The following UGGT2 variants were observed in gnomAD, a reference collection of about 807,000 sequenced individuals.
UGGT2 encodes the protein UDP-glucose:glycoprotein glucosyltransferase 2.
A neutral mutation model predicts 192.1 loss-of-function variants in UGGT2; 180 were observed. The ratio of observed to expected loss-of-function variants is 0.94; its 90% CI spans 0.83 to 1.06. The LOEUF is 1.06. Ranked by LOEUF, UGGT2 falls within the 50% of genes least tolerant of loss-of-function variation. The pLI is 0.00. For missense variants in UGGT2, 1,849 were observed against 1,795.7 expected (o/e 1.03, Z -0.54); for synonymous variants, 580 against 591.0 (o/e 0.98, Z 0.27).
intron 1 of UGGT2, among the ~76,000 whole-genome samples, chr13:96,044,372 A>G (rs1021638530): frequency 6.6e-6 from 1 of 152,210 alleles, no homozygotes; most frequent in African/African-American, 2.4e-5. Context: ...TGCTAAGAGG[A>G]AAGTTCATAG....
intron 20 of UGGT2, among the ~76,000 whole-genome samples, chr13:95,914,339 A>C (rs2048607381): frequency 6.6e-6 from 1 of 152,158 alleles, no homozygotes; most frequent in Admixed American, 6.6e-5. Context: ...ACTGGCATCC[A>C]CTTAAATTTA....
At chr13:95,913,456 G>A (rs1020986708) in intron 20 of UGGT2, among the ~76,000 whole-genome samples, 2 of 152,118 alleles carry the variant, frequency 1.3e-5, no homozygotes, top group Admixed American at 6.5e-5. Flanking sequence ...CTCAAAAGAA[G>A]ACATCTACAC....
intron 10 of UGGT2, among the ~76,000 whole-genome samples, chr13:95,978,644 G>T (rs181184014): frequency 3.5e-3 from 536 of 152,244 alleles, no homozygotes; most frequent in Non-Finnish European, 5.1e-3. Flanking sequence ...TCTTCTAGCA[G>T]TTTCACAGTT....
At chr13:95,912,521 A>G (rs891749701) in intron 20 of UGGT2, among the ~76,000 whole-genome samples, 1 of 152,214 alleles carries the variant, frequency 6.6e-6, no homozygotes, top group Non-Finnish European at 1.5e-5. Flanking sequence ...CTAGTAATCC[A>G]ACTTACAAGG....
chr13:95,864,359 A>G (rs1890442948), intron 30 of UGGT2, among the ~76,000 whole-genome samples: 1 of 152,154 alleles, frequency 6.6e-6, no homozygotes, highest in Non-Finnish European at 1.5e-5. Flanking sequence ...GGTGATTCTA[A>G]AACTTGAAAA....
chr13:95,904,408 A>G (rs1467177000), intron 20 of UGGT2, among the ~76,000 whole-genome samples: 1 of 150,218 alleles, frequency 6.7e-6, no homozygotes, highest in Non-Finnish European at 1.5e-5. Flanking sequence ...CTCGTCATCT[A>G]GCATTAGGTA....
At chr13:96,007,484 T>C (rs1173023188) in intron 5 of UGGT2, among the ~76,000 whole-genome samples, 1 of 152,006 alleles carries the variant, frequency 6.6e-6, no homozygotes, top group Non-Finnish European at 1.5e-5. Flanking sequence ...ATAAAGGACA[T>C]CCAAATTGGA....
At chr13:95,847,618 C>T (rs1888603507) in intron 36 of UGGT2, among the ~76,000 whole-genome samples, 2 of 152,166 alleles carry the variant, frequency 1.3e-5, no homozygotes, top group African/African-American at 4.8e-5. Flanking sequence ...TCTTCCTTGT[C>T]TTTTCATGGC....
intron 12 of UGGT2, among the ~76,000 whole-genome samples, chr13:95,962,056 A>C (rs1490290448): frequency 6.6e-6 from 1 of 152,188 alleles, no homozygotes; most frequent in Non-Finnish European, 1.5e-5. Flanking sequence ...TAAACACAAC[A>C]TACTAAAACC....
At chr13:95,864,725 A>G (rs761919902) in intron 30 of UGGT2, among the ~76,000 whole-genome samples, 28 of 152,198 alleles carry the variant, frequency 1.8e-4, no homozygotes, top group Non-Finnish European at 3.1e-4. Flanking sequence ...CATTTTTCTT[A>G]AAGTTCAACA....
chr13:95,990,463 A>G (rs2051422360), intron 7 of UGGT2: 1 of 152,390 alleles, frequency 6.6e-6, no homozygotes, highest in South Asian at 2.1e-4. Context: ...GCCTCATACA[A>G]TCAGAGTTTA....
At chr13:95,828,081 TTC>T (rs1424897938) in intron 38 of UGGT2, among the ~76,000 whole-genome samples, 1 of 152,162 alleles carries the variant, frequency 6.6e-6, no homozygotes, top group African/African-American at 2.4e-5. Flanking sequence ...TGAGTTTTCA[TTC>T]TGTTTCCTCA....
At chr13:95,959,628 G>A (rs1252969327) in intron 12 of UGGT2, among the ~76,000 whole-genome samples, 1 of 152,148 alleles carries the variant, frequency 6.6e-6, no homozygotes, top group East Asian at 1.9e-4. Context: ...CTCAGGGCCT[G>A]GGCAATGGCT....
intron 6 of UGGT2, among the ~76,000 whole-genome samples, chr13:95,998,091 G>C (rs559381160): frequency 6.6e-6 from 1 of 152,294 alleles, no homozygotes; most frequent in African/African-American, 2.4e-5. Context: ...AGATCAGAGA[G>C]ATGGCTAGTT....
chr13:95,916,174 CT>C (rs1353192325), intron 20 of UGGT2, among the ~76,000 whole-genome samples: 6 of 152,168 alleles, frequency 3.9e-5, no homozygotes, highest in Admixed American at 2.0e-4. Context: ...CTGTACCCCC[CT>C]AGGACAGAGC....
chr13:96,004,085 G>A (rs1225595167), intron 5 of UGGT2, among the ~76,000 whole-genome samples: 2 of 151,116 alleles, frequency 1.3e-5, no homozygotes, highest in African/African-American at 4.9e-5. Flanking sequence ...GCTTCAATCA[G>A]CACTAAGAAA....
chr13:95,970,340 A>C, intron 11 of UGGT2, 78 bp from the exon 12 acceptor site: 1 of 1,327,348 alleles, frequency 7.5e-7, no homozygotes, highest in Non-Finnish European at 1.0e-6. Flanking sequence ...GATAGTCTTA[A>C]AGCATTAGAA....
chr13:95,934,064 GTTGT>G (rs748041326), intron 17 of UGGT2, among the ~76,000 whole-genome samples: 11 of 152,160 alleles, frequency 7.2e-5, no homozygotes, highest in African/African-American at 1.7e-4. Context: ...ATCTTCGTAT[GTTGT>G]TTGTTTTCAT....
At chr13:96,045,608 T>C (rs967328750) in intron 1 of UGGT2, among the ~76,000 whole-genome samples, 4 of 152,050 alleles carry the variant, frequency 2.6e-5, no homozygotes, top group African/African-American at 9.7e-5. Flanking sequence ...TCCAAAAAGC[T>C]CCAAGAACTG....
Sources: allele counts gnomAD v4.1 joint callset (sites outside exome capture counted in the v4.1 genomes callset), GRCh38; gene constraint gnomAD v4.1.1; transcripts MANE v1.5; gene names NCBI Gene and HGNC (gene_info 2026-07-23, HGNC 2026-07-21).